The following KCNH1 variants were observed in gnomAD, a reference collection of about 807,000 sequenced individuals.
KCNH1 encodes the protein voltage-gated delayed rectifier potassium channel KCNH1.
In KCNH1, 27 loss-of-function variants were observed where a neutral mutation model predicts 69.2. The observed-to-expected ratio is 0.39, with a 90% CI of 0.29 to 0.54. The LOEUF is 0.54. Ranked by LOEUF, KCNH1 falls within the 20% of genes least tolerant of loss-of-function variation. The probability of loss-of-function intolerance (pLI) is 0.68; values close to 1 mark genes in which losing one functional copy is unlikely to be tolerated. For synonymous variants in KCNH1, 456 were observed against 487.7 expected (o/e 0.93, Z 0.86); for missense variants, 798 against 1,261.6 (o/e 0.63, Z 5.57).
chr1:210,877,764 T>C lies in KCNH1; in HGVS notation c.1462+41876A>G, dbSNP rs535243213. Among the ~76,000 whole-genome samples, 131 of 152,344 alleles carry C rather than the reference T, an allele frequency of 8.6e-4. 2 individuals carry two copies. The highest frequency in any genetic ancestry group is 7.3e-5 in the Non-Finnish European group (5 of 68,028). ...AAAAATTATTTAATTTTTTGTTTTC[T>C]ACACTAGGTCATTAGCTCCAAATGG... On this transcript the variant is annotated intron_variant, in intron 7 of 10. Coordinates refer to ENST00000271751, the MANE Select transcript of KCNH1 (RefSeq NM_172362.3).
At chr1:210,687,298 C>T (rs150594548) in intron 10 of KCNH1, among the ~76,000 whole-genome samples, 1 of 152,198 alleles carries the variant, frequency 6.6e-6, no homozygotes, top group Non-Finnish European at 1.5e-5. Flanking sequence ...CACCCAGAGG[C>T]CCCATGGGTC....
intron 9 of KCNH1, among the ~76,000 whole-genome samples, chr1:210,797,266 A>G (rs575261340): frequency 3.3e-5 from 5 of 152,324 alleles, no homozygotes; most frequent in African/African-American, 7.2e-5. Flanking sequence ...CTCCTACACT[A>G]GACTGGGAGC....
chr1:210,943,590 G>A (rs750720791), intron 6 of KCNH1, among the ~76,000 whole-genome samples: 19 of 152,050 alleles, frequency 1.2e-4, no homozygotes, highest in Non-Finnish European at 1.2e-4. Flanking sequence ...CTGACCTTCT[G>A]ATCTGACCAC....
At chr1:210,915,724 C>A (rs1687321673) in intron 7 of KCNH1, among the ~76,000 whole-genome samples, 1 of 152,194 alleles carries the variant, frequency 6.6e-6, no homozygotes, top group Admixed American at 6.5e-5. Context: ...CTTATCAGAA[C>A]TGAAAACAGG....
intron 7 of KCNH1, among the ~76,000 whole-genome samples, chr1:210,897,709 T>C (rs1026490272): frequency 6.6e-6 from 1 of 152,200 alleles, no homozygotes; most frequent in Non-Finnish European, 1.5e-5. Flanking sequence ...CACCTGCCTT[T>C]GGGGAATGTA....
intron 6 of KCNH1, among the ~76,000 whole-genome samples, chr1:210,934,187 GATTATATA>G (rs1558531416): frequency 6.6e-6 from 1 of 152,116 alleles, no homozygotes; most frequent in Non-Finnish European, 1.5e-5. Flanking sequence ...AGACAAATGG[GATTATATA>G]AAACTGCAAA....
At chr1:210,766,029 C>A (rs1411561085) in intron 10 of KCNH1, among the ~76,000 whole-genome samples, 6 of 152,034 alleles carry the variant, frequency 3.9e-5, no homozygotes, top group Non-Finnish European at 7.4e-5. Context: ...CGCCACTGCA[C>A]CCCAGCCTGG....
At position 211,002,027 on chromosome 1, in the gene KCNH1, G is replaced by C. The variant is rs193225673; in HGVS notation, c.1032+16756C>G. On this transcript the variant is annotated intron_variant, in intron 6 of 10. Coordinates refer to ENST00000271751, the MANE Select transcript of KCNH1 (RefSeq NM_172362.3). ...GGGCCTGTTGTGGGGTGGGGGGAGTGGGGGGGGATAGCATTAGGAGATATA... is the reference window on the plus strand; with the variant it reads ...GGGCCTGTTGTGGGGTGGGGGGAGTCGGGGGGGATAGCATTAGGAGATATA... Among the ~76,000 whole-genome samples, 17 of 147,020 alleles carry C rather than the reference G, an allele frequency of 1.2e-4. 1 individual carries two copies. Among genetic ancestry groups the C allele is most frequent in the African/African-American group, 3.7e-4 (14 of 37,502 alleles).
In KCNH1 at chr1:211,074,097, T is replaced by TAAA. The variant is rs59971801; in HGVS notation, c.558+8680_558+8682dup. On this transcript the variant is annotated intron_variant, in intron 5 of 10. Coordinates refer to ENST00000271751, the MANE Select transcript of KCNH1 (RefSeq NM_172362.3). ...CCTTTCTTTCATTCATTCCACCAAT[T>TAAA]AAAAAAAAAAAAAAAAAAAACCTTA... Among the ~76,000 whole-genome samples the TAAA allele has an allele frequency of 4.2e-3, 500 of 119,666 alleles. 6 individuals are homozygous for TAAA. The highest frequency in any genetic ancestry group is 0.024 in the East Asian group (98 of 4,040). The allele number at this position is 119,666 out of a possible 152,430, so 78.5% of individuals were successfully genotyped here.
At chr1:210,865,370 T>C (rs1209352106) in intron 7 of KCNH1, among the ~76,000 whole-genome samples, 4 of 152,218 alleles carry the variant, frequency 2.6e-5, no homozygotes, top group African/African-American at 9.7e-5. Context: ...TTGACCAAGG[T>C]CATATAGTTT....
chr1:210,870,681 G>A (rs1005534878), intron 7 of KCNH1, among the ~76,000 whole-genome samples: 3 of 152,130 alleles, frequency 2.0e-5, no homozygotes, highest in Non-Finnish European at 2.9e-5. Context: ...AGTATCTGTT[G>A]TCAAGTTGAA....
At chr1:210,835,946 A>G (rs1312062127) in intron 7 of KCNH1, among the ~76,000 whole-genome samples, 1 of 151,956 alleles carries the variant, frequency 6.6e-6, no homozygotes, top group Non-Finnish European at 1.5e-5. Context: ...CATGGCCAAC[A>G]TAGTGAAACC....
At chr1:210,704,436 A>T (rs1681856346) in intron 10 of KCNH1, among the ~76,000 whole-genome samples, 1 of 152,218 alleles carries the variant, frequency 6.6e-6, no homozygotes, top group African/African-American at 2.4e-5. Context: ...TAAAACCGGA[A>T]GGGACCTGGT....
chr1:210,736,128 G>A (rs776529365), intron 10 of KCNH1, among the ~76,000 whole-genome samples: 9 of 152,046 alleles, frequency 5.9e-5, no homozygotes, highest in Admixed American at 1.3e-4. Context: ...GCAGTACAGC[G>A]TCAAACTCCT....
intron 6 of KCNH1, among the ~76,000 whole-genome samples, chr1:210,930,089 G>A (rs1182212302): frequency 6.6e-6 from 1 of 152,110 alleles, no homozygotes; most frequent in African/African-American, 2.4e-5. Context: ...CCAATATCAT[G>A]AAAATGACCA....
intron 10 of KCNH1, among the ~76,000 whole-genome samples, chr1:210,694,754 A>G (rs910050298): frequency 5.3e-5 from 8 of 152,276 alleles, no homozygotes; most frequent in Middle Eastern, 3.4e-3. Flanking sequence ...TCCTTTCTTT[A>G]TGGAGAGGTG....
chr1:210,705,900 C>T (rs1287390507), intron 10 of KCNH1, among the ~76,000 whole-genome samples: 2 of 152,234 alleles, frequency 1.3e-5, no homozygotes, highest in Non-Finnish European at 2.9e-5. Context: ...CAGTGTTCCT[C>T]TGACTATAAT....
intron 10 of KCNH1, among the ~76,000 whole-genome samples, chr1:210,766,825 G>A (rs1165703374): frequency 1.3e-5 from 2 of 152,194 alleles, no homozygotes; most frequent in Non-Finnish European, 2.9e-5. Flanking sequence ...CATTTGGTCT[G>A]GAATAGATTC....
intron 7 of KCNH1, chr1:210,860,621 C>T (rs571326470): frequency 1.2e-6 from 1 of 801,612 alleles, no homozygotes; most frequent in Non-Finnish European, 2.3e-6. Context: ...TCATCATTTT[C>T]TGTTTCTGTT....
Sources: gnomAD v4.1 joint callset for allele counts (sites outside exome capture counted in the v4.1 genomes callset) on GRCh38, gnomAD v4.1.1 for gene constraint, MANE v1.5 for transcripts, NCBI Gene and HGNC (gene_info 2026-07-23, HGNC 2026-07-21) for gene names.